TCTN1: variants seen among roughly 807,000 people sequenced by gnomAD.
TCTN1 encodes tectonic-1.
TCTN1 carries 58 observed loss-of-function variants against 65.8 expected under a neutral mutation model. That is an observed-to-expected ratio of 0.88 (90% CI 0.71 to 1.10). The LOEUF (loss-of-function observed/expected upper bound fraction) is 1.10, where lower values mean the gene tolerates loss of function less well. TCTN1 is among the 50% of genes least tolerant of loss of function. TCTN1 has a pLI of 0.00. For synonymous variants in TCTN1, 273 were observed against 289.1 expected (o/e 0.94, Z 0.57); for missense variants, 645 against 719.4 (o/e 0.90, Z 1.18).
chr12:110,622,903 C>T (rs1593244571), intron 2 of TCTN1, among the ~76,000 whole-genome samples: 2 of 152,240 alleles, frequency 1.3e-5, no homozygotes, highest in East Asian at 1.9e-4. Flanking sequence ...TGCGGATTAA[C>T]GGTTTCCCTC....
chr12:110,620,269 A>G lies in TCTN1; in HGVS notation c.341+313A>G, dbSNP rs184304977. 6.8e-3 allele frequency among the ~76,000 whole-genome samples: 1,042 copies of G among 152,150 alleles called. 1 individual carries two copies. The highest frequency in any genetic ancestry group is 9.4e-3 in the Non-Finnish European group (636 of 67,992). On this transcript the variant is annotated intron_variant, in intron 2 of 14. Coordinates refer to ENST00000397659, the MANE Select transcript of TCTN1 (RefSeq NM_001082538.3). ...AAAAATCCAAAAAAATTAGCCGGGCATGTTGGCGGGCACCTGTGGTCCCAG... is the reference window on the plus strand; with the variant it reads ...AAAAATCCAAAAAAATTAGCCGGGCGTGTTGGCGGGCACCTGTGGTCCCAG...
intron 1 of TCTN1, among the ~76,000 whole-genome samples, chr12:110,619,610 A>G (rs750393393): frequency 2.6e-5 from 4 of 152,226 alleles, no homozygotes; most frequent in Non-Finnish European, 4.4e-5. Context: ...CAAAGCACTA[A>G]CAGAACTTTC....
In TCTN1 at chr12:110,642,307, A is replaced by G. The variant is rs1456156702; in HGVS notation, c.1249A>G (p.Thr417Ala). ...ACAGCTTACTATTCTTCATAGCACA[A>G]CTGAGCAAGACTGCTTAGCACTGGA... ...YGQLTILHST[T>A]EQDCLALEGV... Residue 417 changes from threonine (T) to alanine (A), a missense_variant, in exon 11 of 15, where the codon ACT becomes GCT. Thr to Ala is a moderately conservative substitution (Grantham distance 58, BLOSUM62 0). Coordinates refer to ENST00000397659, the MANE Select transcript of TCTN1 (RefSeq NM_001082538.3). 6.2e-7 allele frequency: 1 copy of G among 1,614,104 alleles called. No homozygotes were observed. Among genetic ancestry groups the G allele is most frequent in the Admixed American group, 1.7e-5 (1 of 60,010 alleles).
intron 5 of TCTN1, among the ~76,000 whole-genome samples, chr12:110,633,814 A>G (rs1253910000): frequency 1.3e-5 from 2 of 152,188 alleles, no homozygotes; most frequent in Non-Finnish European, 2.9e-5. Flanking sequence ...AATTGGTACA[A>G]CCTTGGTGAA....
rs532826908 is a variant in TCTN1, at chr12:110,620,683, G to A, written c.341+727G>A. On this transcript the variant is annotated intron_variant, in intron 2 of 14. Transcript: ENST00000397659. ...TAAGAAATCTGTACTTTTCTGATAT[G>A]TAAATCTACCAGGAATTCTCACAGT... Among the ~76,000 whole-genome samples, 13 of 152,110 alleles carry A rather than the reference G, an allele frequency of 8.5e-5. No individual in the cohort carries two copies. In the South Asian group the frequency reaches 2.7e-3, roughly 32 times the overall value.
chr12:110,622,805 C>A (rs1194737196), intron 2 of TCTN1, among the ~76,000 whole-genome samples: 3 of 152,158 alleles, frequency 2.0e-5, no homozygotes, highest in Non-Finnish European at 2.9e-5. Flanking sequence ...GGATCAGATT[C>A]CCATCTTATG....
At chr12:110,642,911 A>G (rs1418037666) in intron 11 of TCTN1, among the ~76,000 whole-genome samples, 1 of 152,096 alleles carries the variant, frequency 6.6e-6, no homozygotes, top group East Asian at 1.9e-4. Context: ...ATGTGGCAAC[A>G]TGCCCAGCTA....
rs76843552 is a variant in TCTN1, at chr12:110,614,414, G to C, written c.220+12G>C. On this transcript the variant is annotated intron_variant, in intron 1 of 14. Transcript: ENST00000397659. ...CCCAGTCACGGACGGTGGGTACCATGTGCCAGCTCCTGGAGTCCACAGTGA... is the reference window on the plus strand; with the variant it reads ...CCCAGTCACGGACGGTGGGTACCATCTGCCAGCTCCTGGAGTCCACAGTGA... 14,433 of 1,585,846 alleles carry C rather than the reference G, an allele frequency of 9.1e-3. 73 individuals are homozygous for C. Among genetic ancestry groups the C allele is most frequent in the Non-Finnish European group, 0.01 (11,862 of 1,165,992 alleles).
chr12:110,632,720 C>A, intron 5 of TCTN1, 161 bp downstream of exon 5: 1 of 697,274 alleles, frequency 1.4e-6, no homozygotes, highest in Non-Finnish European at 2.5e-6. Flanking sequence ...ATTAAACAGG[C>A]CTCGTAACTA....
intron 1 of TCTN1, among the ~76,000 whole-genome samples, chr12:110,615,515 C>A (rs1349963655): frequency 6.6e-6 from 1 of 152,160 alleles, no homozygotes; most frequent in Non-Finnish European, 1.5e-5. Flanking sequence ...AGGTCTCGCT[C>A]TGTTACCCAG....
rs1295181158 is a variant in TCTN1, at chr12:110,642,291, T to A, written c.1233T>A (p.Thr411=). 8 of 1,614,126 alleles carry A rather than the reference T, an allele frequency of 5.0e-6. No homozygotes were observed. The highest frequency in any genetic ancestry group is 1.3e-5 in the African/African-American group (1 of 74,940). ...IQTTNRYGQL[T]ILHSTTEQDC... ...CCACAAATAGATATGGACAGCTTAC[T>A]ATTCTTCATAGCACAACTGAGCAAG... Residue 411 remains threonine (T), a synonymous_variant, in exon 11 of 15, where the codon ACT becomes ACA. Transcript: ENST00000397659.
chr12:110,628,757 TA>T lies in TCTN1; in HGVS notation c.473-4del. 1 of 1,586,566 alleles carries T rather than the reference TA, an allele frequency of 6.3e-7. No individual in the cohort carries two copies. Among genetic ancestry groups the T allele is most frequent in the Non-Finnish European group, 8.6e-7 (1 of 1,158,608 alleles). On this transcript the variant is annotated splice_polypyrimidine_tract_variant and intron_variant, in intron 3 of 14. Coordinates refer to ENST00000397659, the MANE Select transcript of TCTN1 (RefSeq NM_001082538.3). ...TACCGATTTAAAATACTGTTTTTTT[TA>T]AAAAACAGATAAACCTGCATTATCC...
intron 1 of TCTN1, among the ~76,000 whole-genome samples, chr12:110,619,520 T>C (rs1357931782): frequency 1.3e-5 from 2 of 152,156 alleles, no homozygotes; most frequent in Admixed American, 6.5e-5. Flanking sequence ...TGTCTAATTA[T>C]AAGCATCACC....
Position 110,649,136 on chromosome 12 carries a change from C to T in TCTN1, c.*95C>T. On this transcript the variant is annotated 3_prime_UTR_variant, in exon 15 of 15. Transcript: ENST00000397659. ...ATTTTATATACAACTAGCAATTGTC[C>T]AGCTTTGTTGCTCATTTTCAATTAA... 2 of 669,992 alleles carry T rather than the reference C, an allele frequency of 3.0e-6. No individual in the cohort carries two copies. Among genetic ancestry groups the T allele is most frequent in the African/African-American group, 1.8e-5 (1 of 55,858 alleles). The allele number at this position is 669,992 out of a possible 1,614,324, so 41.5% of individuals were successfully genotyped here.
At chr12:110,616,105 C>G (rs962841572) in intron 1 of TCTN1, among the ~76,000 whole-genome samples, 2 of 152,074 alleles carry the variant, frequency 1.3e-5, no homozygotes, top group Non-Finnish European at 2.9e-5. Flanking sequence ...AGTTTTTGGA[C>G]TGGATTGTCT....
At position 110,644,781 on chromosome 12, in the gene TCTN1, G is replaced by A; in HGVS notation, c.1332-186G>A. ...GTAGTCCCAGCACTCTGGGAGGATTGCATGAGCCCAGGAGTTTGAGGCTGC... is the reference window on the plus strand; with the variant it reads ...GTAGTCCCAGCACTCTGGGAGGATTACATGAGCCCAGGAGTTTGAGGCTGC... On this transcript the variant is annotated intron_variant, in intron 11 of 14. Transcript: ENST00000397659. The surrounding 1 kb of genome is among the most constrained non-coding windows in gnomAD (Gnocchi z 4.6). 1.4e-6 allele frequency: 1 copy of A among 700,936 alleles called. No homozygotes were observed. The highest frequency in any genetic ancestry group is 2.2e-5 in the Admixed American group (1 of 44,494). 43.4% of individuals were successfully genotyped at this position (700,936 alleles called of 1,614,324 possible).
At chr12:110,637,364 C>T (rs1344505620) in intron 7 of TCTN1, among the ~76,000 whole-genome samples, 1 of 152,204 alleles carries the variant, frequency 6.6e-6, no homozygotes, top group Non-Finnish European at 1.5e-5. Flanking sequence ...CACTGATGCT[C>T]TGCACACAAA....
At chr12:110,628,492 C>T (rs542270244) in intron 3 of TCTN1, among the ~76,000 whole-genome samples, 5 of 152,134 alleles carry the variant, frequency 3.3e-5, no homozygotes, top group Admixed American at 2.0e-4. Context: ...AGGTGCACAC[C>T]ACCATGACTG....
intron 3 of TCTN1, among the ~76,000 whole-genome samples, chr12:110,626,972 A>G (rs775737411): frequency 5.3e-5 from 8 of 150,122 alleles, no homozygotes; most frequent in Non-Finnish European, 1.0e-4. Context: ...GGGTTTCTCC[A>G]TGTTGGTCAG....
Sources: gnomAD v4.1 joint callset for allele counts (sites outside exome capture counted in the v4.1 genomes callset) on GRCh38, gnomAD v4.1.1 for gene constraint, Gnocchi (gnomAD v3.1) non-coding constraint, MANE v1.5 for transcripts, NCBI Gene and HGNC (gene_info 2026-07-23, HGNC 2026-07-21) for gene names.